FAM135A: variants seen among roughly 807,000 people sequenced by gnomAD.
The protein encoded by FAM135A is family with sequence similarity 135 member A.
Under a neutral mutation model 146.8 loss-of-function variants are expected in FAM135A, and 79 were observed. That is an observed-to-expected ratio of 0.54 (90% CI 0.45 to 0.65). The LOEUF (loss-of-function observed/expected upper bound fraction) is 0.65, where lower values mean the gene tolerates loss of function less well. Ranked by LOEUF, FAM135A falls within the 30% of genes least tolerant of loss-of-function variation. The probability of loss-of-function intolerance (pLI) is 0.00; values close to 1 mark genes in which losing one functional copy is unlikely to be tolerated. For missense variants in FAM135A, 1,623 were observed against 1,758.2 expected (o/e 0.92, Z 1.38); for synonymous variants, 562 against 603.6 (o/e 0.93, Z 1.01).
chr6:70,516,085 C>A (rs1289524607), intron 12 of FAM135A, among the ~76,000 whole-genome samples: 4 of 152,068 alleles, frequency 2.6e-5, no homozygotes, highest in Non-Finnish European at 5.9e-5. Context: ...AAAGTCACTT[C>A]ATGTATTTTA....
At chr6:70,513,825 T>C (rs935422004) in intron 12 of FAM135A, among the ~76,000 whole-genome samples, 4 of 152,084 alleles carry the variant, frequency 2.6e-5, no homozygotes, top group Admixed American at 2.0e-4. Flanking sequence ...TTGAGTACTT[T>C]AAAAAGTACC....
At chr6:70,518,054 C>T (rs902886992) in intron 12 of FAM135A, among the ~76,000 whole-genome samples, 3 of 152,096 alleles carry the variant, frequency 2.0e-5, no homozygotes, top group Non-Finnish European at 4.4e-5. Context: ...GAAGGCATGT[C>T]GAAAGCCAAG....
At chr6:70,465,123 A>T (rs1248763621) in intron 5 of FAM135A, among the ~76,000 whole-genome samples, 2 of 152,146 alleles carry the variant, frequency 1.3e-5, no homozygotes, top group African/African-American at 4.8e-5. Flanking sequence ...AAGTGGAGTC[A>T]TGCAGTATTT....
intron 5 of FAM135A, among the ~76,000 whole-genome samples, chr6:70,464,661 TTTTTTC>T (rs1337804749): frequency 8.4e-5 from 9 of 107,674 alleles, no homozygotes; most frequent in Admixed American, 5.9e-4. Flanking sequence ...TTTCTTTCTT[TTTTTTC>T]TTTTTTTTTT....
intron 5 of FAM135A, among the ~76,000 whole-genome samples, chr6:70,454,950 T>C (rs931387508): frequency 1.3e-5 from 2 of 152,204 alleles, no homozygotes; most frequent in African/African-American, 4.8e-5. Context: ...AAAGTAGTTT[T>C]TTCCAATTCT....
At position 70,524,082 on chromosome 6, in the gene FAM135A, A is replaced by G. The variant is rs768567769; in HGVS notation, c.1219A>G (p.Ile407Val). 2.5e-6 allele frequency: 4 copies of G among 1,612,390 alleles called. No homozygotes were observed. The Admixed American group carries it at 6.7e-5, about 27-fold the overall frequency. The change falls in exon 14 of 22, where the codon ATA (isoleucine) becomes GTA (valine). Residue 407 changes from isoleucine (I) to valine (V), a missense_variant. Around this residue, in one of 7 missense-constraint regions of FAM135A, gnomAD observed 1,061 missense variants for 1,113.8 expected, o/e 0.95. Coordinates refer to ENST00000418814, the MANE Select transcript of FAM135A (RefSeq NM_001162529.3). ...AGATGGAGATCTCAATTCATTACCT[A>G]TAATCTTTGAAGATAGGTATTTAGA... is the stretch of plus-strand genomic sequence containing the variant. ...ELDGDLNSLP[I>V]IFEDRYLDSV...
intron 1 of FAM135A, among the ~76,000 whole-genome samples, 151 bp from the exon 2 acceptor site, chr6:70,415,140 C>A (rs1262371880): frequency 6.6e-6 from 1 of 152,136 alleles, no homozygotes; most frequent in Non-Finnish European, 1.5e-5. Context: ...GAAGAACTTT[C>A]TAAACGGTTT....
At chr6:70,497,164 C>T in intron 11 of FAM135A, among the ~76,000 whole-genome samples, 1 of 152,162 alleles carries the variant, frequency 6.6e-6, no homozygotes, top group East Asian at 1.9e-4. Flanking sequence ...TTTGTGTCCT[C>T]TCTTATTTCC....
At position 70,558,651 on chromosome 6, in the gene FAM135A, A is replaced by G. The variant is rs144550118; in HGVS notation, c.4343-1065A>G. Among the ~76,000 whole-genome samples, 460 of 152,170 alleles carry G rather than the reference A, an allele frequency of 3.0e-3. 1 individual carries two copies. The highest frequency in any genetic ancestry group is 1.0e-2 in the African/African-American group (414 of 41,526). ...ATAGCAAGACCCCATTCTACCAAAA[A>G]TAAAAAATTAGCTAGGCTAATTAAA... is the stretch of plus-strand genomic sequence containing the variant. On this transcript the variant is annotated intron_variant, in intron 21 of 21. Coordinates refer to ENST00000418814, the MANE Select transcript of FAM135A (RefSeq NM_001162529.3).
At chr6:70,511,132 T>G (rs1217799637) in intron 12 of FAM135A, among the ~76,000 whole-genome samples, 1 of 152,000 alleles carries the variant, frequency 6.6e-6, no homozygotes, top group Non-Finnish European at 1.5e-5. Flanking sequence ...TTGGGTTGTT[T>G]GTCTTTTTGT....
chr6:70,508,019 A>G (rs1790181712), intron 12 of FAM135A, among the ~76,000 whole-genome samples: 1 of 152,132 alleles, frequency 6.6e-6, no homozygotes, highest in East Asian at 1.9e-4. Flanking sequence ...GACCTTATTA[A>G]TGGTAGGATT....
At chr6:70,531,744 T>C (rs1391264066) in intron 16 of FAM135A, among the ~76,000 whole-genome samples, 2 of 152,196 alleles carry the variant, frequency 1.3e-5, no homozygotes, top group Non-Finnish European at 2.9e-5. Context: ...CTGATTTCTT[T>C]GGGGGCATTT....
At chr6:70,545,838 G>A (rs747708952) in intron 20 of FAM135A, among the ~76,000 whole-genome samples, 1 of 152,176 alleles carries the variant, frequency 6.6e-6, no homozygotes. Flanking sequence ...TGACTTGCCT[G>A]AGGTCACTTA....
At chr6:70,415,827 A>G (rs921429245) in intron 2 of FAM135A, among the ~76,000 whole-genome samples, 2 of 152,166 alleles carry the variant, frequency 1.3e-5, no homozygotes, top group African/African-American at 4.8e-5. Flanking sequence ...GACTCATGAC[A>G]TTAGTTTGTA....
intron 12 of FAM135A, among the ~76,000 whole-genome samples, chr6:70,518,292 T>C (rs1792767753): frequency 6.6e-6 from 1 of 152,184 alleles, no homozygotes; most frequent in East Asian, 1.9e-4. Context: ...TTTTCAATTC[T>C]ATGAAGGCTG....
chr6:70,470,684 A>G (rs1781450406), intron 5 of FAM135A, among the ~76,000 whole-genome samples: 1 of 152,198 alleles, frequency 6.6e-6, no homozygotes, highest in Non-Finnish European at 1.5e-5. Flanking sequence ...CACATAGATC[A>G]ACCCTGGTCC....
At chr6:70,420,356 T>G (rs1011220128) in intron 2 of FAM135A, among the ~76,000 whole-genome samples, 3 of 152,210 alleles carry the variant, frequency 2.0e-5, no homozygotes, top group Non-Finnish European at 4.4e-5. Flanking sequence ...GTCCATTTCC[T>G]CTTTTAGGTT....
chr6:70,440,894 T>C (rs1355684235), intron 4 of FAM135A, among the ~76,000 whole-genome samples: 2 of 152,204 alleles, frequency 1.3e-5, no homozygotes, highest in Non-Finnish European at 2.9e-5. Context: ...TTAGCTGGAA[T>C]TCTGTGAAGA....
intron 2 of FAM135A, among the ~76,000 whole-genome samples, chr6:70,416,569 T>G (rs1372475842): frequency 2.0e-5 from 3 of 152,186 alleles, no homozygotes; most frequent in African/African-American, 4.8e-5. Context: ...TGGATGGAGC[T>G]GAGGGCATAT....
Sources: allele counts gnomAD v4.1 joint callset (sites outside exome capture counted in the v4.1 genomes callset), GRCh38; gene constraint gnomAD v4.1.1; regional missense constraint gnomAD v4.1.1; transcripts MANE v1.5; gene names NCBI Gene and HGNC (gene_info 2026-07-23, HGNC 2026-07-21).